Variants in TRPM7 observed in about 807,000 individuals in gnomAD.
TRPM7 encodes transient receptor potential cation channel subfamily M member 7.
TRPM7 carries 134 observed loss-of-function variants against 229.7 expected under a neutral mutation model. That is an observed-to-expected ratio of 0.58 (90% confidence interval 0.51 to 0.67). The LOEUF is 0.67. Among genes scored for constraint, TRPM7 ranks in the 30% least tolerant of loss-of-function variants. TRPM7 has a pLI of 0.00. For missense variants in TRPM7, 1,901 were observed against 2,210.0 expected, an observed-to-expected ratio of 0.86 and a Z score of 2.80; for synonymous variants, 699 against 715.2, an observed-to-expected ratio of 0.98 and a Z score of 0.36.
At position 50,651,270 on chromosome 15, in the gene TRPM7, TGAA is replaced by T. The variant is rs2061413224; in HGVS notation, c.123-2388_123-2386del. Among the ~76,000 whole-genome samples the T allele has an allele frequency of 4.6e-5, 7 of 152,176 alleles. No individual in the cohort carries two copies. The South Asian group carries it at 1.5e-3, about 32-fold the overall frequency. On this transcript the variant is annotated intron_variant, in intron 3 of 38. Coordinates refer to ENST00000646667, the MANE Select transcript of TRPM7 (RefSeq NM_017672.6). ...CTATCAATAAAATAAAATCACTAAA[TGAA>T]GACCAGAAAAGAACGAGATGATGGA...
chr15:50,599,036 G>T, intron 22 of TRPM7, 86 bp downstream of exon 22: 2 of 1,064,038 alleles, frequency 1.9e-6, no homozygotes, highest in African/African-American at 1.6e-5. Flanking sequence ...TTTGACTTCT[G>T]AAAATATGCA....
At chr15:50,561,873 CT>C in intron 38 of TRPM7, 65 bp from the exon 39 acceptor site, 1 of 1,416,136 alleles carries the variant, frequency 7.1e-7, no homozygotes, top group Non-Finnish European at 9.4e-7. Context: ...GTTAGTATTT[CT>C]TAGAAATGGA....
intron 24 of TRPM7, among the ~76,000 whole-genome samples, chr15:50,594,032 T>C (rs918587317): frequency 1.3e-5 from 2 of 152,184 alleles, no homozygotes; most frequent in Admixed American, 1.3e-4. Flanking sequence ...CCCTCACGTA[T>C]CTACTCAGAG....
At position 50,593,606 on chromosome 15, in the gene TRPM7, G is replaced by T. The variant is rs1377015859; in HGVS notation, c.3608+11C>A. On this transcript the variant is annotated intron_variant, in intron 25 of 38. Coordinates refer to ENST00000646667, the MANE Select transcript of TRPM7 (RefSeq NM_017672.6). ...GACATATAACCGATTTTAACTAAAG[G>T]GCTTCTGAACCTTTCAAAAGTGACA... is the stretch of plus-strand genomic sequence containing the variant. 1.9e-6 allele frequency: 3 copies of T among 1,605,186 alleles called. No individual in the cohort carries two copies. The highest frequency in any genetic ancestry group is 1.1e-5 in the South Asian group (1 of 88,468).
At chr15:50,614,836 A>ATAACAATT (rs1286032790) in intron 13 of TRPM7, among the ~76,000 whole-genome samples, 1 of 152,120 alleles carries the variant, frequency 6.6e-6, no homozygotes, top group Non-Finnish European at 1.5e-5. Flanking sequence ...AAGCAGGAAG[A>ATAACAATT]TAACAATTTC....
chr15:50,598,382 GT>G (rs2059686808), intron 22 of TRPM7, among the ~76,000 whole-genome samples: 1 of 152,142 alleles, frequency 6.6e-6, no homozygotes, highest in Middle Eastern at 3.2e-3. Flanking sequence ...TAAGAACAGG[GT>G]TGAATCAGTG....
At chr15:50,673,297 G>A (rs1250107895) in intron 1 of TRPM7, among the ~76,000 whole-genome samples, 1 of 151,984 alleles carries the variant, frequency 6.6e-6, no homozygotes, top group Non-Finnish European at 1.5e-5. Context: ...ATAGGTTATT[G>A]GAAACAGGTA....
intron 9 of TRPM7, among the ~76,000 whole-genome samples, chr15:50,631,969 T>C (rs183720487): frequency 1.1e-4 from 17 of 152,272 alleles, no homozygotes; most frequent in Middle Eastern, 3.4e-3. Flanking sequence ...ACTTGAAACA[T>C]AGCACCATTT....
intron 12 of TRPM7, among the ~76,000 whole-genome samples, chr15:50,623,884 T>G (rs1052094242): frequency 3.3e-5 from 5 of 151,770 alleles, no homozygotes; most frequent in African/African-American, 1.2e-4. Flanking sequence ...AATTAAGAAG[T>G]TGATCCTCTA....
intron 12 of TRPM7, among the ~76,000 whole-genome samples, chr15:50,623,704 AG>A (rs543927883): frequency 1.6e-4 from 24 of 152,102 alleles, no homozygotes; most frequent in Non-Finnish European, 3.5e-4. Context: ...TTACGAGAAT[AG>A]TAAGTTTTCA....
chr15:50,572,159 C>G (rs1316227260), intron 36 of TRPM7, among the ~76,000 whole-genome samples: 2 of 152,160 alleles, frequency 1.3e-5, no homozygotes, highest in African/African-American at 4.8e-5. Flanking sequence ...GTGACGTGAG[C>G]CTGTAGTCCC....
chr15:50,633,106 T>C, intron 8 of TRPM7, 114 bp from the exon 9 acceptor site: 2 of 864,140 alleles, frequency 2.3e-6, no homozygotes, highest in Non-Finnish European at 3.2e-6. Context: ...TAATATTACA[T>C]ACTTCACCTT....
intron 1 of TRPM7, among the ~76,000 whole-genome samples, chr15:50,665,422 C>T (rs1354205251): frequency 6.6e-6 from 1 of 151,092 alleles, no homozygotes; most frequent in Non-Finnish European, 1.5e-5. Flanking sequence ...TGATCATGTG[C>T]TTGACCATAA....
chr15:50,679,578 C>A (rs1185357231), intron 1 of TRPM7, among the ~76,000 whole-genome samples: 1 of 129,538 alleles, frequency 7.7e-6, no homozygotes, highest in East Asian at 2.1e-4. Context: ...TTTTGTCACC[C>A]AGGCTGGGGT....
At chr15:50,684,732 G>C (rs2062320712) in intron 1 of TRPM7, among the ~76,000 whole-genome samples, 3 of 152,134 alleles carry the variant, frequency 2.0e-5, no homozygotes, top group Admixed American at 6.6e-5. Flanking sequence ...CAAACTGATG[G>C]AAATTCTACA....
In TRPM7 at chr15:50,592,192, GC is replaced by G; in HGVS notation, c.4042del (p.Ala1348LeufsTer25). ...PQRKEFNFPE[A>X]GSSSGALFPS... ...GAATAAGGCACCAGAAGAGGAACCA[GC>G]CTCTGGAAAATTAAATTCTTTTCTC... On this transcript the variant is annotated frameshift_variant, in exon 26 of 39. Transcript: ENST00000646667. LOFTEE classifies it high-confidence loss of function. 3.1e-6 allele frequency: 5 copies of G among 1,614,172 alleles called. No homozygotes were observed. The highest frequency in any genetic ancestry group is 4.2e-6 in the Non-Finnish European group (5 of 1,180,034).
At chr15:50,581,372 G>A (rs1449519643) in intron 29 of TRPM7, among the ~76,000 whole-genome samples, 6 of 151,986 alleles carry the variant, frequency 3.9e-5, no homozygotes, top group African/African-American at 1.2e-4. Context: ...GGTGGCGGGC[G>A]CCTATAATCC....
chr15:50,612,545 T>G lies in TRPM7; in HGVS notation c.2051+4A>C. ...ATGTTTTCAAATGATAAAATACCAC[T>G]TACTTGGAATACTGTTTTAGTTCTT... On this transcript the variant is annotated splice_donor_region_variant and intron_variant, in intron 16 of 38. Transcript: ENST00000646667. 1 of 1,599,952 alleles carries G rather than the reference T, an allele frequency of 6.3e-7. No individual in the cohort carries two copies. Among genetic ancestry groups the G allele is most frequent in the Non-Finnish European group, 8.5e-7 (1 of 1,172,060 alleles).
intron 8 of TRPM7, 39 bp downstream of exon 8, chr15:50,634,342 TA>T (rs769749847): frequency 1.5e-6 from 2 of 1,357,332 alleles, no homozygotes; most frequent in Admixed American, 5.8e-5. Context: ...AATAAATAAA[TA>T]AATAAATAAA....
Sources: gnomAD v4.1 joint callset for allele counts (sites outside exome capture counted in the v4.1 genomes callset) on GRCh38, gnomAD v4.1.1 for gene constraint, MANE v1.5 for transcripts, NCBI Gene and HGNC (gene_info 2026-07-23, HGNC 2026-07-21) for gene names.